CDC14A: variants seen among roughly 807,000 people sequenced by gnomAD.
CDC14A encodes dual specificity protein phosphatase CDC14A.
CDC14A carries 53 observed loss-of-function variants against 74.4 expected under a neutral mutation model. The observed-to-expected ratio is 0.71, with a 90% confidence interval of 0.57 to 0.89. The LOEUF is 0.89. Ranked by LOEUF, CDC14A falls within the 40% of genes least tolerant of loss-of-function variation. The probability of loss-of-function intolerance (pLI) is 0.00; values close to 1 mark genes in which losing one functional copy is unlikely to be tolerated. For missense variants in CDC14A, 646 were observed against 713.7 expected (o/e 0.91, Z 1.08); for synonymous variants, 247 against 258.4 (o/e 0.96, Z 0.43).
At position 100,494,860 on chromosome 1, in the gene CDC14A, A is replaced by T; in HGVS notation, c.1180A>T (p.Thr394Ser). ...DDDVEMKNGITQGDKLRALKS... is the reference protein window; with the variant it reads ...DDDVEMKNGISQGDKLRALKS... Reference sequence around the variant, plus strand: ...TGATGTGGAAATGAAAAATGGTATAACCCAGGGAGACAAACTACGTGCCTT... The same window carrying T: ...TGATGTGGAAATGAAAAATGGTATATCCCAGGGAGACAAACTACGTGCCTT... Residue 394 changes from threonine to serine, a missense_variant, in exon 12 of 16, where the codon ACC becomes TCC. Coordinates refer to ENST00000336454, the MANE Select transcript of CDC14A (RefSeq NM_003672.4). 1 of 1,613,456 alleles carries T rather than the reference A, an allele frequency of 6.2e-7. No homozygotes were observed. Among genetic ancestry groups the T allele is most frequent in the Non-Finnish European group, 8.5e-7 (1 of 1,179,398 alleles).
At chr1:100,439,204 A>G (rs1424420536) in intron 5 of CDC14A, among the ~76,000 whole-genome samples, 1 of 152,196 alleles carries the variant, frequency 6.6e-6, no homozygotes, top group Non-Finnish European at 1.5e-5. Flanking sequence ...GTGCATTAGA[A>G]GCTCTCGTGG....
At chr1:100,470,592 A>G (rs1299193236) in intron 10 of CDC14A, among the ~76,000 whole-genome samples, 1 of 152,186 alleles carries the variant, frequency 6.6e-6, no homozygotes, top group Non-Finnish European at 1.5e-5. Flanking sequence ...AAAGACTTGT[A>G]CACATATATT....
At chr1:100,490,536 C>T (rs948647492) in intron 11 of CDC14A, among the ~76,000 whole-genome samples, 4 of 152,060 alleles carry the variant, frequency 2.6e-5, no homozygotes, top group Non-Finnish European at 5.9e-5. Context: ...CTTCCCTCTC[C>T]CCAAGTCTGA....
chr1:100,379,429 T>G (rs967818509), intron 3 of CDC14A, among the ~76,000 whole-genome samples: 1 of 152,242 alleles, frequency 6.6e-6, no homozygotes, highest in African/African-American at 2.4e-5. Context: ...CTGCATTACT[T>G]GCTGAATGAT....
intron 7 of CDC14A, among the ~76,000 whole-genome samples, chr1:100,452,860 T>C (rs1666283125): frequency 6.6e-6 from 1 of 152,226 alleles, no homozygotes; most frequent in Non-Finnish European, 1.5e-5. Flanking sequence ...CTGTCTGATC[T>C]AGATTTCTTT....
At chr1:100,425,182 A>C (rs994858259) in intron 5 of CDC14A, among the ~76,000 whole-genome samples, 1 of 152,074 alleles carries the variant, frequency 6.6e-6, no homozygotes, top group Non-Finnish European at 1.5e-5. Flanking sequence ...AAATAAATAC[A>C]TACATACATA....
chr1:100,364,039 G>A (rs1653184200), intron 2 of CDC14A, among the ~76,000 whole-genome samples: 1 of 152,002 alleles, frequency 6.6e-6, no homozygotes, highest in Non-Finnish European at 1.5e-5. Flanking sequence ...TGAGGTGGGA[G>A]GATCACTTGA....
intron 10 of CDC14A, among the ~76,000 whole-genome samples, chr1:100,468,525 T>C (rs889036571): frequency 1.3e-5 from 2 of 152,170 alleles, no homozygotes; most frequent in African/African-American, 4.8e-5. Flanking sequence ...ACTAAACTGC[T>C]AATGTAGGTA....
chr1:100,457,268 GA>G (rs1358514184), intron 8 of CDC14A, among the ~76,000 whole-genome samples: 1 of 151,960 alleles, frequency 6.6e-6, no homozygotes, highest in South Asian at 2.1e-4. Flanking sequence ...CATGCATTTT[GA>G]AAAAAATTTT....
At chr1:100,408,949 A>G (rs912565176) in intron 4 of CDC14A, among the ~76,000 whole-genome samples, 2 of 152,192 alleles carry the variant, frequency 1.3e-5, no homozygotes, top group African/African-American at 2.4e-5. Flanking sequence ...TACCCTATCT[A>G]TTAATAGCTA....
chr1:100,499,271 G>T lies in CDC14A; in HGVS notation c.1755+9G>T, dbSNP rs150619755. The T allele has an allele frequency of 2.5e-6, 4 of 1,614,134 alleles. No homozygotes were observed. Among genetic ancestry groups the T allele is most frequent in the Non-Finnish European group, 3.4e-6 (4 of 1,180,016 alleles). ...TGAGCCGTTCTATCCCTGTAAGTGCGCAGACACCACCTCCTGGTCCTCAGA... is the reference window on the plus strand; with the variant it reads ...TGAGCCGTTCTATCCCTGTAAGTGCTCAGACACCACCTCCTGGTCCTCAGA... On this transcript the variant is annotated intron_variant, in intron 15 of 15. Transcript: ENST00000336454.
chr1:100,369,801 A>G (rs1467560978), intron 2 of CDC14A, among the ~76,000 whole-genome samples: 1 of 151,346 alleles, frequency 6.6e-6, no homozygotes, highest in Non-Finnish European at 1.5e-5. Flanking sequence ...GATATTTAGA[A>G]TGGTGTTTCC....
Position 100,393,962 on chromosome 1 carries a change from A to AAAT in CDC14A, c.309+3139_309+3140insATA, listed in dbSNP as rs1553174900. ...GTTCCCCCTCCCCACCGCAAAAAAA[A>AAAT]ATATATATATATATAGCAGTGCATC... On this transcript the variant is annotated intron_variant, in intron 4 of 15. Coordinates refer to ENST00000336454, the MANE Select transcript of CDC14A (RefSeq NM_003672.4). 3.6e-3 allele frequency: 787 copies of AAAT among 217,790 alleles called. 7 individuals are homozygous for AAAT. The highest frequency in any genetic ancestry group is 0.017 in the African/African-American group (700 of 41,718). The allele number at this position is 217,790 out of a possible 1,614,324, so 13.5% of individuals were successfully genotyped here. A position where few individuals can be genotyped will look rare whatever the true frequency, so the allele number is the denominator to read the frequency against.
At chr1:100,363,905 C>G (rs1378141186) in intron 2 of CDC14A, among the ~76,000 whole-genome samples, 1 of 152,098 alleles carries the variant, frequency 6.6e-6, no homozygotes, top group African/African-American at 2.4e-5. Context: ...CTTCTAATTC[C>G]ACGCTTTGGG....
At chr1:100,353,263 C>T (rs1291699067) in intron 1 of CDC14A, among the ~76,000 whole-genome samples, 2 of 152,262 alleles carry the variant, frequency 1.3e-5, no homozygotes, top group Non-Finnish European at 2.9e-5. Flanking sequence ...GCCCGTACTC[C>T]GGCACTCAGC....
chr1:100,421,876 T>C (rs906281150), intron 4 of CDC14A, among the ~76,000 whole-genome samples: 1 of 152,214 alleles, frequency 6.6e-6, no homozygotes, highest in Admixed American at 6.5e-5. Flanking sequence ...TAAGCAGACA[T>C]GTCTAAGAAG....
chr1:100,356,857 CT>C (rs1214621150), intron 2 of CDC14A, among the ~76,000 whole-genome samples: 3 of 66,886 alleles, frequency 4.5e-5, no homozygotes, highest in East Asian at 4.7e-4. Context: ...AAGACTCTGT[CT>C]AAAAAAAAAA....
At chr1:100,353,084 C>T (rs1035500674) in intron 1 of CDC14A, 81 bp downstream of exon 1, 3 of 1,469,814 alleles carry the variant, frequency 2.0e-6, no homozygotes, top group Admixed American at 1.8e-5. Context: ...CCCACCTTCT[C>T]CTGAGGCTGC....
chr1:100,377,885 C>A (rs1189436835), intron 3 of CDC14A, among the ~76,000 whole-genome samples: 2 of 152,164 alleles, frequency 1.3e-5, no homozygotes, highest in Non-Finnish European at 2.9e-5. Context: ...AGCACAAATC[C>A]TTTTAGGCTG....
Sources: gnomAD v4.1 joint callset for allele counts (sites outside exome capture counted in the v4.1 genomes callset) on GRCh38, gnomAD v4.1.1 for gene constraint, MANE v1.5 for transcripts, NCBI Gene and HGNC (gene_info 2026-07-23, HGNC 2026-07-21) for gene names.